ADAMTS19: variants seen among roughly 807,000 people sequenced by gnomAD.
The protein encoded by ADAMTS19 is ADAM metallopeptidase with thrombospondin type 1 motif 19.
ADAMTS19 carries 93 observed loss-of-function variants against 153.3 expected under a neutral mutation model. That is an observed-to-expected ratio of 0.61 (90% CI 0.51 to 0.72). ADAMTS19 has a LOEUF of 0.72. ADAMTS19 is among the 30% of genes least tolerant of loss of function. The pLI is 0.00. For synonymous variants in ADAMTS19, 600 were observed against 556.6 expected (o/e 1.08, Z -1.10); for missense variants, 1,482 against 1,552.1 (o/e 0.95, Z 0.76).
intron 3 of ADAMTS19, among the ~76,000 whole-genome samples, chr5:129,510,856 G>GATATATAT (rs60233609): frequency 0.04 from 5,587 of 140,932 alleles, 143 homozygotes; most frequent in East Asian, 0.14. Context: ...AAGTTTCTGA[G>GATATATAT]ATATATATAT....
chr5:129,537,287 A>G (rs545268303), intron 6 of ADAMTS19, among the ~76,000 whole-genome samples: 1 of 152,236 alleles, frequency 6.6e-6, no homozygotes, highest in South Asian at 2.1e-4. Context: ...CAGGTGCTGG[A>G]GAGGATGTGG....
At chr5:129,613,494 A>G (rs1420102616) in intron 8 of ADAMTS19, among the ~76,000 whole-genome samples, 4 of 152,204 alleles carry the variant, frequency 2.6e-5, no homozygotes, top group Non-Finnish European at 5.9e-5. Context: ...CAACGAGAAC[A>G]AAGACACAAC....
intron 7 of ADAMTS19, among the ~76,000 whole-genome samples, chr5:129,580,868 C>T (rs959780565): frequency 3.3e-5 from 5 of 152,142 alleles, no homozygotes; most frequent in East Asian, 1.9e-4. Context: ...CATCGATGTT[C>T]GTCAGGGATA....
intron 19 of ADAMTS19, 121 bp downstream of exon 19, chr5:129,694,976 C>T: frequency 8.3e-7 from 1 of 1,211,000 alleles, no homozygotes; most frequent in Non-Finnish European, 1.1e-6. Context: ...GGATACGTAC[C>T]AAAATTTAAA....
intron 21 of ADAMTS19, among the ~76,000 whole-genome samples, chr5:129,728,562 G>A (rs967868956): frequency 2.0e-5 from 3 of 152,078 alleles, no homozygotes; most frequent in Admixed American, 6.6e-5. Flanking sequence ...CTTGGGGTCT[G>A]GATCAGAGGC....
At chr5:129,732,169 G>A (rs1045071704) in intron 21 of ADAMTS19, among the ~76,000 whole-genome samples, 5 of 152,022 alleles carry the variant, frequency 3.3e-5, no homozygotes, top group East Asian at 1.9e-4. Context: ...GCAAGAAATC[G>A]GTTAAAAGTG....
chr5:129,699,422 C>CAA (rs536240544), intron 19 of ADAMTS19, among the ~76,000 whole-genome samples: 7 of 80,568 alleles, frequency 8.7e-5, no homozygotes, highest in Non-Finnish European at 1.7e-4. Context: ...GACTTCATCT[C>CAA]AAAAAAAAAA....
intron 2 of ADAMTS19, among the ~76,000 whole-genome samples, chr5:129,506,912 A>T (rs1025002427): frequency 3.3e-5 from 5 of 151,936 alleles, no homozygotes; most frequent in African/African-American, 1.2e-4. Flanking sequence ...TATATTTTTT[A>T]AAAAGTTATC....
chr5:129,589,550 CTGTT>C (rs1749994943), intron 7 of ADAMTS19, among the ~76,000 whole-genome samples: 1 of 151,946 alleles, frequency 6.6e-6, no homozygotes, highest in African/African-American at 2.4e-5. Context: ...TCTCAAAAAA[CTGTT>C]TATTACACCA....
chr5:129,493,051 C>T (rs1378994535), intron 2 of ADAMTS19, among the ~76,000 whole-genome samples: 3 of 151,996 alleles, frequency 2.0e-5, no homozygotes, highest in Non-Finnish European at 2.9e-5. Flanking sequence ...ATAAAACAAA[C>T]AAAGGAGGTC....
intron 10 of ADAMTS19, 61 bp from the exon 11 acceptor site, chr5:129,641,798 T>C: frequency 9.5e-7 from 1 of 1,048,078 alleles, no homozygotes; most frequent in Non-Finnish European, 1.4e-6. Flanking sequence ...TAACAATGAT[T>C]GGCTTCACTT....
chr5:129,472,599 T>C (rs2126653930), intron 2 of ADAMTS19, among the ~76,000 whole-genome samples: 1 of 152,252 alleles, frequency 6.6e-6, no homozygotes, highest in Admixed American at 6.5e-5. Flanking sequence ...CATAAGTGTT[T>C]TCCCACTCTT....
Position 129,620,741 on chromosome 5 carries a change from T to C in ADAMTS19, c.1602T>C (p.Asp534=). The change falls in exon 9 of 23, where the codon GAT becomes GAC. Residue 534 remains aspartate, a synonymous_variant. Coordinates refer to ENST00000274487, the MANE Select transcript of ADAMTS19 (RefSeq NM_133638.6). ...DVSWSRCSKE[D]LERFLRSKAS... is the part of the protein sequence containing the mutation. The stretch of plus-strand genomic sequence containing the variant: ...CATGGTCTCGATGTAGCAAGGAAGA[T>C]TTGGAAAGATTTCTCAGGTATGGAG... The C allele has an allele frequency of 6.2e-7, 1 of 1,612,626 alleles. No individual in the cohort carries two copies. The highest frequency in any genetic ancestry group is 8.5e-7 in the Non-Finnish European group (1 of 1,179,108).
chr5:129,646,114 T>C (rs931072848), intron 11 of ADAMTS19, among the ~76,000 whole-genome samples: 18 of 151,300 alleles, frequency 1.2e-4, no homozygotes, highest in African/African-American at 4.1e-4. Flanking sequence ...GGTCTCGATC[T>C]CCTGACCTCG....
chr5:129,677,829 G>A (rs927246823), intron 16 of ADAMTS19, among the ~76,000 whole-genome samples: 2 of 151,330 alleles, frequency 1.3e-5, no homozygotes, highest in Non-Finnish European at 2.9e-5. Context: ...CCCCCACCCC[G>A]CCAGACCACA....
chr5:129,725,846 G>A (rs566082336), intron 21 of ADAMTS19, among the ~76,000 whole-genome samples: 17 of 152,044 alleles, frequency 1.1e-4, no homozygotes, highest in African/African-American at 3.9e-4. Context: ...ATTAGTTGGG[G>A]GACTTAGAAT....
At chr5:129,638,094 T>A (rs1463687105) in intron 10 of ADAMTS19, among the ~76,000 whole-genome samples, 1 of 152,106 alleles carries the variant, frequency 6.6e-6, no homozygotes, top group African/African-American at 2.4e-5. Context: ...TCACAAATCT[T>A]CATATGTACC....
At chr5:129,536,437 A>G (rs1305306327) in intron 6 of ADAMTS19, among the ~76,000 whole-genome samples, 1 of 152,210 alleles carries the variant, frequency 6.6e-6, no homozygotes, top group Non-Finnish European at 1.5e-5. Context: ...GATGTGGAGA[A>G]ATAGGAACAC....
At chr5:129,660,165 TA>T (rs1177302927) in intron 15 of ADAMTS19, among the ~76,000 whole-genome samples, 7 of 152,258 alleles carry the variant, frequency 4.6e-5, no homozygotes, top group African/African-American at 1.4e-4. Flanking sequence ...CTGAACATCT[TA>T]AAGCCGAGAA....
Sources: allele counts gnomAD v4.1 joint callset (sites outside exome capture counted in the v4.1 genomes callset), GRCh38; gene constraint gnomAD v4.1.1; transcripts MANE v1.5; gene names NCBI Gene and HGNC (gene_info 2026-07-23, HGNC 2026-07-21).